SGK1: variants seen among roughly 807,000 people sequenced by gnomAD.
The protein encoded by SGK1 is serum/glucocorticoid regulated kinase 1.
A neutral mutation model predicts 64.2 loss-of-function variants in SGK1; 26 were observed. The observed-to-expected ratio is 0.40, with a 90% CI of 0.30 to 0.56. The LOEUF is 0.56. Ranked by LOEUF, SGK1 falls within the 20% of genes least tolerant of loss-of-function variation. SGK1 has a pLI of 0.38. For missense variants in SGK1, 519 were observed against 645.6 expected, an observed-to-expected ratio of 0.80 and a Z score of 2.12; for synonymous variants, 265 against 239.7, an observed-to-expected ratio of 1.11 and a Z score of -0.98.
intron 2 of SGK1, among the ~76,000 whole-genome samples, chr6:134,243,664 C>A (rs976104625): frequency 6.6e-6 from 1 of 152,140 alleles, no homozygotes; most frequent in Non-Finnish European, 1.5e-5. Context: ...CCACCGCGCC[C>A]GGCCATAACG....
chr6:134,194,571 T>A (rs1582702416), intron 3 of SGK1, among the ~76,000 whole-genome samples: 1 of 149,574 alleles, frequency 6.7e-6, no homozygotes, highest in Admixed American at 6.8e-5. Context: ...CAGGCTGGAG[T>A]GCAGTGGCAC....
chr6:134,234,744 T>C (rs1316008289), intron 2 of SGK1, among the ~76,000 whole-genome samples: 1 of 151,792 alleles, frequency 6.6e-6, no homozygotes, highest in Non-Finnish European at 1.5e-5. Flanking sequence ...GGTGTGGTGA[T>C]GCATGCCTGT....
intron 2 of SGK1, among the ~76,000 whole-genome samples, chr6:134,244,816 C>T (rs1206650759): frequency 6.6e-6 from 1 of 152,222 alleles, no homozygotes; most frequent in African/African-American, 2.4e-5. Context: ...ACTCTTGTTG[C>T]CCAGGCTGGA....
chr6:134,310,416 T>G (rs1048533117), intron 1 of SGK1, among the ~76,000 whole-genome samples: 1 of 152,166 alleles, frequency 6.6e-6, no homozygotes, highest in Non-Finnish European at 1.5e-5. Context: ...ACTGCTGAAC[T>G]CCCTCATCCA....
chr6:134,172,165 C>A, intron 10 of SGK1, 28 bp downstream of exon 10: 1 of 1,609,062 alleles, frequency 6.2e-7, no homozygotes, highest in Admixed American at 1.7e-5. Context: ...CGGGGGTAAA[C>A]CAGGCACCAA....
chr6:134,277,671 T>C (rs1777037784), intron 1 of SGK1, among the ~76,000 whole-genome samples: 1 of 152,114 alleles, frequency 6.6e-6, no homozygotes, highest in African/African-American at 2.4e-5. Context: ...TCTTCCTTTC[T>C]CCACTCCCCT....
In SGK1 at chr6:134,172,730, CCGTGGTTCCAGGAAG is replaced by C; in HGVS notation, c.864_878del (p.Cys288_Arg293delinsTrp). ...CTATTTCAGCAGCATAGAAACGAGC[CCGTGGTTCCAGGAAG>C]CAGCGTTCCCTCTGGAGATGGTAGA... On this transcript the variant is annotated inframe_deletion, in exon 9 of 14. Coordinates refer to ENST00000367858, the MANE Select transcript of SGK1 (RefSeq NM_001143676.3). 6.2e-7 allele frequency: 1 copy of C among 1,614,092 alleles called. No homozygotes were observed. The highest frequency in any genetic ancestry group is 8.5e-7 in the Non-Finnish European group (1 of 1,179,988).
intron 5 of SGK1, 181 bp from the exon 6 acceptor site, chr6:134,173,747 TG>T (rs1192111802): frequency 1.3e-5 from 8 of 606,684 alleles, no homozygotes; most frequent in African/African-American, 1.3e-4. Flanking sequence ...CACACAGTCA[TG>T]TTGTTTCAGA....
chr6:134,171,934 A>G, intron 10 of SGK1: 1 of 617,214 alleles, frequency 1.6e-6, no homozygotes, highest in Non-Finnish European at 2.8e-6. Context: ...ACTGCTGGGC[A>G]CTTGATATCT....
At chr6:134,277,131 T>C (rs977135715) in intron 1 of SGK1, among the ~76,000 whole-genome samples, 1 of 152,090 alleles carries the variant, frequency 6.6e-6, no homozygotes, top group African/African-American at 2.4e-5. Flanking sequence ...CCCAGCACTT[T>C]GGGAGGAGGC....
At chr6:134,295,617 C>A (rs535759791) in intron 1 of SGK1, among the ~76,000 whole-genome samples, 3 of 151,752 alleles carry the variant, frequency 2.0e-5, no homozygotes, top group African/African-American at 7.3e-5. Flanking sequence ...GCAGGAGGAT[C>A]GCTTGAACCT....
chr6:134,311,503 T>C (rs188335613), intron 1 of SGK1, among the ~76,000 whole-genome samples: 1 of 152,008 alleles, frequency 6.6e-6, no homozygotes, highest in East Asian at 1.9e-4. Flanking sequence ...ACAAAAAAAT[T>C]AGCTGTGCAT....
intron 1 of SGK1, chr6:134,297,011 A>G: frequency 2.3e-6 from 1 of 435,816 alleles, no homozygotes; most frequent in Non-Finnish European, 4.5e-6. Flanking sequence ...CGGGCAGGAC[A>G]TCAGAGGACT....
chr6:134,252,907 A>T (rs779563551), intron 2 of SGK1, among the ~76,000 whole-genome samples: 9 of 151,964 alleles, frequency 5.9e-5, no homozygotes, highest in East Asian at 1.9e-4. Context: ...CCTATATAAA[A>T]TTTTTTTTGA....
At chr6:134,267,458 CG>C (rs1424361903) in intron 1 of SGK1, among the ~76,000 whole-genome samples, 15 of 151,970 alleles carry the variant, frequency 9.9e-5, no homozygotes, top group African/African-American at 3.1e-4. Flanking sequence ...CCACCACGTT[CG>C]GCTATTTATT....
At chr6:134,308,656 A>C (rs1277504636) in intron 1 of SGK1, among the ~76,000 whole-genome samples, 1 of 152,072 alleles carries the variant, frequency 6.6e-6, no homozygotes, top group Non-Finnish European at 1.5e-5. Flanking sequence ...CCCCGGGTTC[A>C]AGTGATCCTC....
intron 2 of SGK1, among the ~76,000 whole-genome samples, chr6:134,258,335 C>G (rs111898973): frequency 2.0e-5 from 3 of 152,068 alleles, no homozygotes; most frequent in East Asian, 1.9e-4. Context: ...CATCCACCCC[C>G]CTTGGCTTCC....
At chr6:134,313,061 A>C (rs1777629508) in intron 1 of SGK1, among the ~76,000 whole-genome samples, 1 of 152,166 alleles carries the variant, frequency 6.6e-6, no homozygotes, top group African/African-American at 2.4e-5. Flanking sequence ...GCGTGAGCCA[A>C]CGCGCCCAGC....
intron 2 of SGK1, among the ~76,000 whole-genome samples, chr6:134,217,841 C>G (rs1776012154): frequency 6.6e-6 from 1 of 152,196 alleles, no homozygotes; most frequent in African/African-American, 2.4e-5. Context: ...AACAACTAGT[C>G]AGATGTTCCT....
Sources: gnomAD v4.1 joint callset for allele counts (sites outside exome capture counted in the v4.1 genomes callset) on GRCh38, gnomAD v4.1.1 for gene constraint, MANE v1.5 for transcripts, NCBI Gene and HGNC (gene_info 2026-07-23, HGNC 2026-07-21) for gene names.